Variants in SUPT7L observed in about 807,000 individuals in gnomAD.
SUPT7L encodes STAGA complex 65 subunit gamma.
SUPT7L carries 15 observed loss-of-function variants against 35.7 expected under a neutral mutation model. The observed-to-expected ratio is 0.42, with a 90% CI of 0.28 to 0.65. The LOEUF (loss-of-function observed/expected upper bound fraction) is 0.65, where lower values mean the gene tolerates loss of function less well. Ranked by LOEUF, SUPT7L falls within the 30% of genes least tolerant of loss-of-function variation. The probability of loss-of-function intolerance (pLI) is 0.23; values close to 1 mark genes in which losing one functional copy is unlikely to be tolerated. For missense variants in SUPT7L, 434 were observed against 522.2 expected, an observed-to-expected ratio of 0.83 and a Z score of 1.65; for synonymous variants, 168 against 186.2, an observed-to-expected ratio of 0.90 and a Z score of 0.79.
At chr2:27,642,831 C>G in the SUPT7L span, among the ~76,000 whole-genome samples, 1 of 152,024 alleles carries the variant, frequency 6.6e-6, no homozygotes, top group African/African-American at 2.4e-5. Context: ...TCCCAAAATG[C>G]TGGGATTACA....
At chr2:27,645,737 G>A in the SUPT7L span, among the ~76,000 whole-genome samples, 2 of 151,012 alleles carry the variant, frequency 1.3e-5, no homozygotes, top group African/African-American at 4.9e-5. Context: ...TCATCTTTAT[G>A]TATTTGTTTT....
rs147710447 is a variant in SUPT7L at position 27,656,173 on chromosome 2, T to C, written c.745-571A>G. Among the ~76,000 whole-genome samples the C allele has an allele frequency of 3.8e-3, 578 of 152,244 alleles. 1 individual carries two copies. The highest frequency in any genetic ancestry group is 0.013 in the African/African-American group (558 of 41,564). Reference sequence around the variant, plus strand: ...CTGTCTAAAAAAAGGGAAAAAAAAGTTGACATATGTATCCTAGGTGAATAA... The same window carrying C: ...CTGTCTAAAAAAAGGGAAAAAAAAGCTGACATATGTATCCTAGGTGAATAA... On this transcript the variant is annotated intron_variant, in intron 4 of 5. Coordinates refer to ENST00000337768, the MANE Select transcript of SUPT7L (RefSeq NM_014860.3).
intron 5 of SUPT7L, 25 bp from the exon 6 acceptor site, chr2:27,653,772 T>C (rs1468009450): frequency 1.2e-6 from 2 of 1,613,938 alleles, no homozygotes; most frequent in Non-Finnish European, 1.7e-6. Context: ...AAGATGGACA[T>C]ACACCAAGTG....
chr2:27,661,663 C>G (rs1358622624), intron 2 of SUPT7L: 3 of 1,296,654 alleles, frequency 2.3e-6, no homozygotes, highest in African/African-American at 1.5e-5. Context: ...ATGACAATTC[C>G]TACTACACTG....
chr2:27,644,155 A>G, the SUPT7L span, among the ~76,000 whole-genome samples: 3 of 152,218 alleles, frequency 2.0e-5, no homozygotes, highest in Admixed American at 2.0e-4. Context: ...AGCCTGGGTG[A>G]CAGAGTGAGA....
chr2:27,650,110 T>G (rs374137393), downstream of SUPT7L: 315 of 1,556,294 alleles, frequency 2.0e-4, no homozygotes, highest in African/African-American at 3.9e-3. Flanking sequence ...CTTTTTTCCT[T>G]GCAGTTACAG....
At chr2:27,650,474 C>T, downstream of SUPT7L, 1 of 204,908 alleles carries the variant, frequency 4.9e-6, no homozygotes, top group Non-Finnish European at 9.9e-6. Context: ...AAGCCTACAA[C>T]TTCAAGTTTT....
chr2:27,650,198 T>C (rs373369109), downstream of SUPT7L: 43 of 1,554,192 alleles, frequency 2.8e-5, no homozygotes, highest in African/African-American at 2.7e-5. Flanking sequence ...AAACAATAAA[T>C]AGGAGACTTT....
the SUPT7L span, among the ~76,000 whole-genome samples, chr2:27,644,044 G>A: frequency 6.6e-6 from 1 of 152,154 alleles, no homozygotes; most frequent in Non-Finnish European, 1.5e-5. Flanking sequence ...GCTGGGCGTG[G>A]TCGTGCATGT....
chr2:27,643,052 TTA>T, the SUPT7L span, among the ~76,000 whole-genome samples: 1 of 148,052 alleles, frequency 6.8e-6, no homozygotes, highest in South Asian at 2.1e-4. The surrounding 1 kb of genome is among the most constrained non-coding windows in gnomAD (Gnocchi z 4.0). Context: ...AAATTTGAAA[TTA>T]TATACAGCTC....
the SUPT7L span, among the ~76,000 whole-genome samples, chr2:27,644,723 G>GTTT: frequency 4.6e-3 from 465 of 101,720 alleles, 19 homozygotes; most frequent in African/African-American, 0.016. Flanking sequence ...TTTTGGTAGT[G>GTTT]TTTTTTTTTT....
Position 27,653,101 on chromosome 2 carries a change from G to A in SUPT7L, c.*384C>T, listed in dbSNP as rs1320578496. ...TATATTATTAGTCTATTCAAGCACAGTTTTGAAGTTAGCAAACATCTAAAT... is the reference window on the plus strand; with the variant it reads ...TATATTATTAGTCTATTCAAGCACAATTTTGAAGTTAGCAAACATCTAAAT... On this transcript the variant is annotated 3_prime_UTR_variant, in exon 6 of 6. Transcript: ENST00000337768. 2 of 220,254 alleles carry A rather than the reference G, an allele frequency of 9.1e-6. No homozygotes were observed. The highest frequency in any genetic ancestry group is 4.6e-5 in the African/African-American group (2 of 43,278). 13.6% of individuals were successfully genotyped at this position (220,254 alleles called of 1,614,324 possible). A position where few individuals can be genotyped will look rare whatever the true frequency, so the allele number is the denominator to read the frequency against.
At chr2:27,648,465 G>A (rs1323685329), downstream of SUPT7L, among the ~76,000 whole-genome samples, 1 of 152,146 alleles carries the variant, frequency 6.6e-6, no homozygotes. Context: ...GCTATTATGA[G>A]CTATGACTGT....
rs1572985269 is a variant in SUPT7L at position 27,663,467 on chromosome 2, G to C, written c.-228C>G. 2.7e-6 allele frequency: 1 copy of C among 363,650 alleles called. No individual in the cohort carries two copies. Among genetic ancestry groups the C allele is most frequent in the East Asian group, 6.0e-5 (1 of 16,804 alleles). 22.5% of individuals were successfully genotyped at this position (363,650 alleles called of 1,614,324 possible). ...CTGACGTTCAGGGCAGCCGGAAGAC[G>C]GGGAGGTCTGGACCTGAACCGAGAC... On this transcript the variant is annotated 5_prime_UTR_variant, in exon 1 of 6. Transcript: ENST00000337768.
At chr2:27,647,775 C>G (rs548832491), downstream of SUPT7L, 1 of 934,798 alleles carries the variant, frequency 1.1e-6, no homozygotes, top group East Asian at 2.4e-5. Context: ...ATCATAGTTA[C>G]TTAGTGATTC....
Position 27,657,648 on chromosome 2 carries a change from A to G in SUPT7L, c.441T>C (p.Thr147=), listed in dbSNP as rs1674869019. ...DFYRGKGEPV[T]ELSWHSCRQL... is the part of the protein sequence containing the mutation. ...GCCGACAGGAGTGCCAGCTGAGTTC[A>G]GTCACAGGTTCCCCTTTCCCACTGA... is the stretch of plus-strand genomic sequence containing the variant. The change falls in exon 4 of 6, where the codon ACT becomes ACC. Residue 147 remains threonine (T), a synonymous_variant. Coordinates refer to ENST00000337768, the MANE Select transcript of SUPT7L (RefSeq NM_014860.3). The surrounding 1 kb of genome is among the most constrained non-coding windows in gnomAD (Gnocchi z 5.2). 3.7e-6 allele frequency: 6 copies of G among 1,612,874 alleles called. No individual in the cohort carries two copies. Among genetic ancestry groups the G allele is most frequent in the African/African-American group, 1.3e-5 (1 of 74,910 alleles).
chr2:27,647,850 G>A (rs1180936478), downstream of SUPT7L: 9 of 1,610,988 alleles, frequency 5.6e-6, no homozygotes, highest in Non-Finnish European at 5.9e-6. Flanking sequence ...CTTATCTCCT[G>A]TGCTGCACCC....
downstream of SUPT7L, chr2:27,647,998 T>A (rs779177170): frequency 4.3e-5 from 42 of 978,242 alleles, no homozygotes; most frequent in Non-Finnish European, 6.9e-5. Context: ...ATCCTCACAT[T>A]GTTTGCCCAG....
the SUPT7L span, chr2:27,642,568 T>C: frequency 9.2e-7 from 1 of 1,090,448 alleles, no homozygotes; most frequent in Non-Finnish European, 1.4e-6. Flanking sequence ...GTTACACTTC[T>C]TTCTTTTATT....
Sources: gnomAD v4.1 joint callset for allele counts (sites outside exome capture counted in the v4.1 genomes callset) on GRCh38, gnomAD v4.1.1 for gene constraint, Gnocchi (gnomAD v3.1) non-coding constraint, MANE v1.5 for transcripts, NCBI Gene and HGNC (gene_info 2026-07-23, HGNC 2026-07-21) for gene names.